HMGCLL1: variants seen among roughly 807,000 people sequenced by gnomAD.
HMGCLL1 encodes the protein 3-hydroxy-3-methylglutaryl-CoA lyase like 1.
In HMGCLL1, 36 loss-of-function variants were observed where a neutral mutation model predicts 39.1. The ratio of observed to expected loss-of-function variants is 0.92; its 90% CI spans 0.71 to 1.22. HMGCLL1 has a LOEUF of 1.22. HMGCLL1 is among the 50% of genes most tolerant of loss of function. HMGCLL1 has a pLI of 0.00. For synonymous variants in HMGCLL1, 149 were observed against 144.0 expected (o/e 1.03, Z -0.25); for missense variants, 451 against 416.5 (o/e 1.08, Z -0.72).
chr6:55,672,283 C>A, the HMGCLL1 span, among the ~76,000 whole-genome samples: 1 of 151,704 alleles, frequency 6.6e-6, no homozygotes, highest in Non-Finnish European at 1.5e-5. Flanking sequence ...ATGTTGTCTG[C>A]AAATTTTATG....
chr6:55,659,676 T>C, the HMGCLL1 span, among the ~76,000 whole-genome samples: 1 of 151,918 alleles, frequency 6.6e-6, no homozygotes, highest in Non-Finnish European at 1.5e-5. Context: ...TCTCATGTTT[T>C]TTGATGTGTT....
At chr6:55,443,641 T>C (rs757860167) in intron 7 of HMGCLL1, among the ~76,000 whole-genome samples, 10 of 151,290 alleles carry the variant, frequency 6.6e-5, no homozygotes, top group Non-Finnish European at 1.3e-4. Flanking sequence ...AAATGACCAA[T>C]GTCACACTAG....
At chr6:55,523,377 C>T (rs79778044) in intron 3 of HMGCLL1, among the ~76,000 whole-genome samples, 3,433 of 151,980 alleles carry the variant, frequency 0.023, 62 homozygotes, top group Non-Finnish European at 0.033. Context: ...TGGCAAATTG[C>T]TTTGACTGCT....
the HMGCLL1 span, among the ~76,000 whole-genome samples, chr6:55,633,273 T>TA: frequency 6.6e-6 from 1 of 151,916 alleles, no homozygotes; most frequent in Non-Finnish European, 1.5e-5. Flanking sequence ...TACCTATGGT[T>TA]AATGCATGGT....
the HMGCLL1 span, among the ~76,000 whole-genome samples, chr6:55,623,525 G>T: frequency 6.6e-6 from 1 of 151,396 alleles, no homozygotes; most frequent in African/African-American, 2.4e-5. Context: ...AGAGCATAAT[G>T]TTTGATGTTC....
At chr6:55,628,475 G>T in the HMGCLL1 span, among the ~76,000 whole-genome samples, 1 of 150,976 alleles carries the variant, frequency 6.6e-6, no homozygotes, top group African/African-American at 2.4e-5. Flanking sequence ...GCTAATTTTT[G>T]TATTTTTTAG....
chr6:55,539,082 AGG>A (rs549253492), intron 3 of HMGCLL1, among the ~76,000 whole-genome samples: 339 of 152,328 alleles, frequency 2.2e-3, no homozygotes, highest in African/African-American at 8.0e-3. Flanking sequence ...AAGCAAGTAC[AGG>A]TAAAGTGCTA....
the HMGCLL1 span, among the ~76,000 whole-genome samples, chr6:55,612,054 G>A: frequency 4.6e-5 from 7 of 152,138 alleles, no homozygotes; most frequent in East Asian, 1.9e-4. Context: ...ATACCCCATC[G>A]TCTCAGGCCA....
At chr6:55,557,245 T>C (rs1305772373) in intron 1 of HMGCLL1, among the ~76,000 whole-genome samples, 1 of 152,214 alleles carries the variant, frequency 6.6e-6, no homozygotes, top group Non-Finnish European at 1.5e-5. Flanking sequence ...TATATGGTTG[T>C]CTTTAATCTG....
chr6:55,672,722 T>A, the HMGCLL1 span, among the ~76,000 whole-genome samples: 5 of 151,938 alleles, frequency 3.3e-5, no homozygotes, highest in African/African-American at 1.2e-4. Flanking sequence ...TTATATGTAA[T>A]TGCAAAATAC....
intron 3 of HMGCLL1, among the ~76,000 whole-genome samples, chr6:55,534,922 T>C (rs1768926543): frequency 6.6e-6 from 1 of 152,204 alleles, no homozygotes; most frequent in Admixed American, 6.5e-5. Context: ...ACAAGCTGCA[T>C]AGTCAGTGAA....
At chr6:55,640,448 T>C in the HMGCLL1 span, among the ~76,000 whole-genome samples, 1 of 152,024 alleles carries the variant, frequency 6.6e-6, no homozygotes, top group Non-Finnish European at 1.5e-5. Flanking sequence ...TACAGCATCA[T>C]TCTTTTATTA....
the HMGCLL1 span, among the ~76,000 whole-genome samples, chr6:55,663,713 G>T: frequency 1.3e-5 from 2 of 151,650 alleles, no homozygotes; most frequent in African/African-American, 4.8e-5. Flanking sequence ...GTTGGGTTCA[G>T]GTCCTGAATA....
chr6:55,669,385 G>T, the HMGCLL1 span, among the ~76,000 whole-genome samples: 1 of 151,820 alleles, frequency 6.6e-6, no homozygotes, highest in Non-Finnish European at 1.5e-5. Flanking sequence ...TCAATTGCCT[G>T]CTGAACTAAA....
At chr6:55,443,720 C>T (rs1240343815) in intron 7 of HMGCLL1, among the ~76,000 whole-genome samples, 19 of 151,248 alleles carry the variant, frequency 1.3e-4, no homozygotes, top group African/African-American at 4.9e-5. Flanking sequence ...AAAGATTGTG[C>T]GTGAAAACTG....
chr6:55,475,816 C>A (rs1765259374), intron 7 of HMGCLL1, among the ~76,000 whole-genome samples: 1 of 151,288 alleles, frequency 6.6e-6, no homozygotes. Context: ...TATGAATATC[C>A]AATTGAACTA....
chr6:55,517,864 T>C (rs1022396944), intron 3 of HMGCLL1, among the ~76,000 whole-genome samples: 5 of 152,110 alleles, frequency 3.3e-5, no homozygotes, highest in African/African-American at 9.6e-5. Flanking sequence ...GTACCTTCCT[T>C]TGACTGCCAT....
chr6:55,610,118 C>T, the HMGCLL1 span, among the ~76,000 whole-genome samples: 5 of 152,200 alleles, frequency 3.3e-5, no homozygotes, highest in East Asian at 1.9e-4. Flanking sequence ...TGTCAGAATG[C>T]CTCTTGTCCT....
chr6:55,635,843 A>G, the HMGCLL1 span, among the ~76,000 whole-genome samples: 1 of 152,182 alleles, frequency 6.6e-6, no homozygotes, highest in Non-Finnish European at 1.5e-5. Flanking sequence ...GACATTGAAT[A>G]AAAAATGTGA....
Sources: gnomAD v4.1 joint callset for allele counts (sites outside exome capture counted in the v4.1 genomes callset) on GRCh38, gnomAD v4.1.1 for gene constraint, MANE v1.5 for transcripts, NCBI Gene and HGNC (gene_info 2026-07-23, HGNC 2026-07-21) for gene names.